KIT: variants seen among roughly 807,000 people sequenced by gnomAD.
KIT encodes the protein mast/stem cell growth factor receptor Kit.
Under a neutral mutation model 105.7 loss-of-function variants are expected in KIT, and 16 were observed. The ratio of observed to expected loss-of-function variants is 0.15; its 90% CI spans 0.10 to 0.23. The LOEUF (loss-of-function observed/expected upper bound fraction) is 0.23, where lower values mean the gene tolerates loss of function less well. Ranked by LOEUF, KIT falls within the 10% of genes least tolerant of loss-of-function variation. The pLI is 1.00. For synonymous variants in KIT, 438 were observed against 441.1 expected, an observed-to-expected ratio of 0.99 and a Z score of 0.09; for missense variants, 858 against 1,213.8, an observed-to-expected ratio of 0.71 and a Z score of 4.36.
chr4:54,729,725 A>T lies in KIT; in HGVS notation c.2141+240A>T, dbSNP rs751824118. 1.4e-4 allele frequency among the ~76,000 whole-genome samples: 22 copies of T among 152,164 alleles called. 1 individual carries two copies. The highest frequency in any genetic ancestry group is 2.6e-4 in the Non-Finnish European group (18 of 68,002). ...TATTTTCAGTTTTCTTCTACACTTTAGTTCCATGCAACTGAATGCATTCTA... is the reference window on the plus strand; with the variant it reads ...TATTTTCAGTTTTCTTCTACACTTTTGTTCCATGCAACTGAATGCATTCTA... On this transcript the variant is annotated intron_variant, in intron 14 of 20. Transcript: ENST00000288135.
chr4:54,684,841 A>T (rs1719200155), intron 1 of KIT, among the ~76,000 whole-genome samples: 1 of 152,180 alleles, frequency 6.6e-6, no homozygotes, highest in Admixed American at 6.5e-5. Flanking sequence ...TCCGACATGC[A>T]GCTGGGATTG....
At chr4:54,737,591 A>C (rs1237363480) in intron 20 of KIT, among the ~76,000 whole-genome samples, 2 of 152,186 alleles carry the variant, frequency 1.3e-5, no homozygotes, top group African/African-American at 4.8e-5. Context: ...TCACGGGGTC[A>C]GTATTTTCTC....
chr4:54,730,957 T>G (rs755201519), intron 14 of KIT, among the ~76,000 whole-genome samples: 5 of 152,156 alleles, frequency 3.3e-5, no homozygotes, highest in South Asian at 2.1e-4. Context: ...AAGCTCTTCT[T>G]TGTCTTTCTT....
At chr4:54,672,631 A>G (rs982998596) in intron 1 of KIT, among the ~76,000 whole-genome samples, 1 of 152,088 alleles carries the variant, frequency 6.6e-6, no homozygotes, top group Non-Finnish European at 1.5e-5. Context: ...AGCATATTCT[A>G]CTTTTCGGAA....
At chr4:54,729,833 G>T (rs1197151076) in intron 14 of KIT, among the ~76,000 whole-genome samples, 1 of 152,126 alleles carries the variant, frequency 6.6e-6, no homozygotes, top group Non-Finnish European at 1.5e-5. Flanking sequence ...TTTCCAGTGA[G>T]ATACTGTTTA....
chr4:54,677,088 G>T (rs934643616), intron 1 of KIT, among the ~76,000 whole-genome samples: 1 of 152,114 alleles, frequency 6.6e-6, no homozygotes, highest in African/African-American at 2.4e-5. Flanking sequence ...GGGAATTCTT[G>T]CCCTCTTGAC....
intron 5 of KIT, among the ~76,000 whole-genome samples, chr4:54,704,457 G>T (rs1720654732): frequency 6.6e-6 from 1 of 152,024 alleles, no homozygotes; most frequent in South Asian, 2.1e-4. Flanking sequence ...TTGGGACACA[G>T]GTCATTGGTT....
intron 1 of KIT, among the ~76,000 whole-genome samples, chr4:54,689,875 C>G (rs886228057): frequency 6.6e-6 from 1 of 152,072 alleles, no homozygotes; most frequent in African/African-American, 2.4e-5. Flanking sequence ...CCATCCCCCA[C>G]TGTACTCCCT....
Position 54,657,979 on chromosome 4 carries a change from G to C in KIT, c.-36G>C. On this transcript the variant is annotated 5_prime_UTR_variant, in exon 1 of 21. Transcript: ENST00000288135. ...GCTGCACTTGGGCGAGAGCTGGAAC[G>C]TGGACCAGAGCTCGGATCCCATCGC... The C allele has an allele frequency of 6.2e-7, 1 of 1,608,040 alleles. No homozygotes were observed. Among genetic ancestry groups the C allele is most frequent in the African/African-American group, 1.3e-5 (1 of 74,954 alleles).
At chr4:54,688,403 T>A (rs887900670) in intron 1 of KIT, among the ~76,000 whole-genome samples, 4 of 151,968 alleles carry the variant, frequency 2.6e-5, no homozygotes, top group Non-Finnish European at 4.4e-5. Flanking sequence ...CAGTTCTTCC[T>A]GCTCTACTTC....
In KIT at chr4:54,738,431, T is replaced by A. The variant is rs72549296; in HGVS notation, c.2805T>A (p.Ile935=). ...GACTATGGGCTTGTTTTCTCCAGAT[T>A]TACTCCAACTTAGCAAACTGCAGCC... ...EKQISESTNH[I]YSNLANCSPN... is the part of the protein sequence containing the mutation. Residue 935 remains isoleucine, a splice_region_variant and synonymous_variant, in exon 21 of 21, where the codon ATT becomes ATA. Transcript: ENST00000288135. The A allele has an allele frequency of 2.3e-3, 3,766 of 1,614,032 alleles. 10 individuals carry two copies. The highest frequency in any genetic ancestry group is 6.6e-3 in the Middle Eastern group (40 of 6,060).
At chr4:54,681,888 A>G (rs2109609170) in intron 1 of KIT, among the ~76,000 whole-genome samples, 1 of 152,040 alleles carries the variant, frequency 6.6e-6, no homozygotes, top group East Asian at 2.0e-4. Context: ...AAAAATACAA[A>G]AATTAGCTGG....
At chr4:54,735,331 T>C (rs1367749018) in intron 17 of KIT, among the ~76,000 whole-genome samples, 3 of 151,544 alleles carry the variant, frequency 2.0e-5, no homozygotes, top group African/African-American at 7.3e-5. Flanking sequence ...GTTTTTTGTT[T>C]TGTTTTTGTA....
At chr4:54,736,337 T>A (rs1331707078) in intron 17 of KIT, among the ~76,000 whole-genome samples, 161 bp from the exon 18 acceptor site, 1 of 152,172 alleles carries the variant, frequency 6.6e-6, no homozygotes, top group Non-Finnish European at 1.5e-5. Context: ...TCAGAGGTGA[T>A]TGGGATCATC....
chr4:54,729,501 A>G lies in KIT; in HGVS notation c.2141+16A>G, dbSNP rs1449956077. 4 of 1,612,098 alleles carry G rather than the reference A, an allele frequency of 2.5e-6. No homozygotes were observed. The highest frequency in any genetic ancestry group is 3.4e-6 in the Non-Finnish European group (4 of 1,179,184). On this transcript the variant is annotated intron_variant, in intron 14 of 20. Transcript: ENST00000288135. ...AGTCTTCCTGGTAAGACTGATTTACATAAATAGTTAGCTGTTGACAGGCAG... is the reference window on the plus strand; with the variant it reads ...AGTCTTCCTGGTAAGACTGATTTACGTAAATAGTTAGCTGTTGACAGGCAG...
chr4:54,711,342 A>G (rs1054579647), intron 7 of KIT, among the ~76,000 whole-genome samples: 9 of 152,260 alleles, frequency 5.9e-5, no homozygotes, highest in Non-Finnish European at 8.8e-5. Flanking sequence ...TGTTTTCTGA[A>G]TAAGACATTC....
intron 8 of KIT, among the ~76,000 whole-genome samples, chr4:54,723,942 C>T (rs1451588944): frequency 6.6e-6 from 1 of 152,078 alleles, no homozygotes; most frequent in African/African-American, 2.4e-5. Flanking sequence ...CTGGATTTAT[C>T]ATGCAATTTC....
At chr4:54,737,695 A>G (rs1286251724) in intron 20 of KIT, among the ~76,000 whole-genome samples, 3 of 152,208 alleles carry the variant, frequency 2.0e-5, no homozygotes, top group Admixed American at 1.3e-4. Context: ...ACTGCAGTGA[A>G]ATAAGCCTTC....
intron 1 of KIT, among the ~76,000 whole-genome samples, chr4:54,678,339 T>TGCTC (rs1560381278): frequency 1.0e-5 from 1 of 98,764 alleles, no homozygotes; most frequent in Non-Finnish European, 2.0e-5. Flanking sequence ...CTTCCTTCCT[T>TGCTC]CCTTCCTTCC....
Sources: allele counts gnomAD v4.1 joint callset (sites outside exome capture counted in the v4.1 genomes callset), GRCh38; gene constraint gnomAD v4.1.1; transcripts MANE v1.5; gene names NCBI Gene and HGNC (gene_info 2026-07-23, HGNC 2026-07-21).